AFG2A: variants seen among roughly 807,000 people sequenced by gnomAD.
AFG2A encodes the protein AAA ATPase AFG2A, also known as ATPase family gene 2 protein homolog A.
the AFG2A span, among the ~76,000 whole-genome samples, chr4:123,168,482 C>T: frequency 6.6e-6 from 1 of 152,048 alleles, no homozygotes; most frequent in South Asian, 2.1e-4. Context: ...AAGAAACATG[C>T]CATTTCTCCT....
chr4:123,026,907 T>C, the AFG2A span, among the ~76,000 whole-genome samples: 35 of 152,328 alleles, frequency 2.3e-4, no homozygotes, highest in South Asian at 6.2e-3. Flanking sequence ...ACATGTTCCC[T>C]TATTTCTTTT....
the AFG2A span, among the ~76,000 whole-genome samples, chr4:123,198,081 G>A: frequency 1.5e-3 from 228 of 151,978 alleles, no homozygotes; most frequent in African/African-American, 5.1e-3. Context: ...CCAGCCTGGC[G>A]AACACAGTGA....
At chr4:123,269,652 C>T in the AFG2A span, among the ~76,000 whole-genome samples, 6 of 152,116 alleles carry the variant, frequency 3.9e-5, no homozygotes, top group Admixed American at 1.3e-4. Context: ...TTTCTTTTCC[C>T]TTGTAAGTAT....
chr4:123,115,292 G>T, the AFG2A span, among the ~76,000 whole-genome samples: 1 of 152,094 alleles, frequency 6.6e-6, no homozygotes, highest in Non-Finnish European at 1.5e-5. Flanking sequence ...TGTCGGGAGC[G>T]CCAGGCTGAA....
chr4:122,935,776 G>T, the AFG2A span: 3 of 1,612,726 alleles, frequency 1.9e-6, no homozygotes, highest in African/African-American at 1.3e-5. Context: ...AACAATGATC[G>T]CCAGGGCTGT....
chr4:123,151,663 G>A, the AFG2A span, among the ~76,000 whole-genome samples: 11 of 152,214 alleles, frequency 7.2e-5, no homozygotes, highest in Middle Eastern at 3.4e-3. Context: ...AAATAGGAAT[G>A]CTTTTACACT....
chr4:123,278,432 T>C, the AFG2A span, among the ~76,000 whole-genome samples: 1 of 152,142 alleles, frequency 6.6e-6, no homozygotes, highest in South Asian at 2.1e-4. Context: ...TTTTGTATGG[T>C]TTTTCATATC....
At chr4:123,315,824 C>G in the AFG2A span, 103,658 of 152,194 alleles carry the variant, frequency 0.68, 37,499 homozygotes, top group Non-Finnish European at 0.8. Context: ...GTCACCCAGG[C>G]TGGAATGCAG....
chr4:123,251,263 A>G, the AFG2A span, among the ~76,000 whole-genome samples: 1 of 152,146 alleles, frequency 6.6e-6, no homozygotes, highest in South Asian at 2.1e-4. Flanking sequence ...TTCAACTTTA[A>G]AAAAATAACC....
chr4:123,115,405 G>A, the AFG2A span, among the ~76,000 whole-genome samples: 31 of 152,116 alleles, frequency 2.0e-4, no homozygotes, highest in African/African-American at 7.5e-4. Flanking sequence ...CAGGGTGGGT[G>A]CGGCGACAGA....
the AFG2A span, among the ~76,000 whole-genome samples, chr4:123,184,983 G>A: frequency 6.6e-6 from 1 of 152,140 alleles, no homozygotes; most frequent in Admixed American, 6.5e-5. Context: ...GATGAATTTG[G>A]CCAAATTATG....
At chr4:123,189,581 C>G in the AFG2A span, among the ~76,000 whole-genome samples, 1 of 152,028 alleles carries the variant, frequency 6.6e-6, no homozygotes, top group Non-Finnish European at 1.5e-5. Context: ...GCTCATGAAT[C>G]TTAAGAATGG....
chr4:123,221,776 A>T, the AFG2A span, among the ~76,000 whole-genome samples: 1 of 151,916 alleles, frequency 6.6e-6, no homozygotes, highest in African/African-American at 2.4e-5. Context: ...AATACAAAAA[A>T]ATTAGACAGG....
chr4:123,278,876 A>G, the AFG2A span, among the ~76,000 whole-genome samples: 1 of 152,224 alleles, frequency 6.6e-6, no homozygotes, highest in South Asian at 2.1e-4. Flanking sequence ...GAAGTACAAT[A>G]CTGATGCTTT....
At chr4:123,031,752 T>TA in the AFG2A span, among the ~76,000 whole-genome samples, 1 of 152,232 alleles carries the variant, frequency 6.6e-6, no homozygotes, top group African/African-American at 2.4e-5. Context: ...TTGATAGACT[T>TA]ACACTTCTTC....
the AFG2A span, among the ~76,000 whole-genome samples, chr4:123,004,973 C>T: frequency 3.9e-4 from 60 of 151,972 alleles, 2 homozygotes; most frequent in South Asian, 5.0e-3. Flanking sequence ...TTCTGTTTCA[C>T]CTAAGTTGTT....
the AFG2A span, among the ~76,000 whole-genome samples, chr4:122,949,685 G>T: frequency 1.3e-5 from 2 of 152,186 alleles, no homozygotes; most frequent in South Asian, 2.1e-4. Context: ...CACCACCCCT[G>T]GCAGCAGCCT....
At chr4:123,303,479 G>A in the AFG2A span, among the ~76,000 whole-genome samples, 1 of 152,236 alleles carries the variant, frequency 6.6e-6, no homozygotes, top group Non-Finnish European at 1.5e-5. Context: ...TCAAGATAAC[G>A]TTAAGGCCGG....
At chr4:123,180,978 CTTT>C in the AFG2A span, among the ~76,000 whole-genome samples, 1 of 118,364 alleles carries the variant, frequency 8.4e-6, no homozygotes, top group Admixed American at 9.9e-5. Context: ...TCCTCCCCCT[CTTT>C]TTTTTTTTTT....
Sources: gnomAD v4.1 joint callset for allele counts (sites outside exome capture counted in the v4.1 genomes callset) on GRCh38, gnomAD v4.1.1 for gene constraint, MANE v1.5 for transcripts, NCBI Gene and HGNC (gene_info 2026-07-23, HGNC 2026-07-21) for gene names.